Variants in KIF13B observed in about 807,000 individuals in gnomAD.
KIF13B encodes the protein kinesin family member 13B.
Under a neutral mutation model 222.0 loss-of-function variants are expected in KIF13B, and 127 were observed. That is an observed-to-expected ratio of 0.57 (90% CI 0.50 to 0.66). KIF13B has a LOEUF of 0.66. KIF13B is among the 30% of genes least tolerant of loss of function. The probability of loss-of-function intolerance (pLI) is 0.00; values close to 1 mark genes in which losing one functional copy is unlikely to be tolerated. For synonymous variants in KIF13B, 976 were observed against 919.0 expected (o/e 1.06, Z -1.12); for missense variants, 2,173 against 2,379.0 (o/e 0.91, Z 1.80).
At position 29,238,247 on chromosome 8, in the gene KIF13B, A is replaced by G. The variant is rs192736207; in HGVS notation, c.149+7099T>C. Among the ~76,000 whole-genome samples, 5 of 152,384 alleles carry G rather than the reference A, an allele frequency of 3.3e-5. No homozygotes were observed. The East Asian group carries it at 9.6e-4, about 29-fold the overall frequency. ...CTTCCACTAACAAGGAATTAGTCTG[A>G]AAATGACTTCATGTATGCCATAAGG... On this transcript the variant is annotated intron_variant, in intron 2 of 39. Transcript: ENST00000524189.
intron 2 of KIF13B, among the ~76,000 whole-genome samples, chr8:29,206,943 GGCCATGTGGCTGATGGGGCACAAC>G (rs914950299): frequency 3.3e-5 from 5 of 152,044 alleles, no homozygotes; most frequent in African/African-American, 9.7e-5. Context: ...CAAGGGAGTG[GGCCATGTGGCTGATGGGGCACAAC>G]GCCACCCTGC....
At chr8:29,076,711 A>G (rs1439981058) in intron 37 of KIF13B, among the ~76,000 whole-genome samples, 3 of 152,226 alleles carry the variant, frequency 2.0e-5, no homozygotes, top group Non-Finnish European at 4.4e-5. Context: ...AGAAAAGTAT[A>G]AGAGGGAATT....
intron 35 of KIF13B, among the ~76,000 whole-genome samples, chr8:29,100,888 G>C (rs1337610563): frequency 6.6e-6 from 1 of 152,138 alleles, no homozygotes; most frequent in African/African-American, 2.4e-5. Flanking sequence ...AGCGACCTAA[G>C]TACTAATCAT....
At chr8:29,192,784 TG>T (rs1418176648) in intron 3 of KIF13B, among the ~76,000 whole-genome samples, 1 of 151,792 alleles carries the variant, frequency 6.6e-6, no homozygotes, top group African/African-American at 2.4e-5. Context: ...CGACAGGCGA[TG>T]GGGGAAGTGG....
intron 29 of KIF13B, among the ~76,000 whole-genome samples, chr8:29,119,717 C>T (rs768691298): frequency 2.0e-5 from 3 of 152,260 alleles, no homozygotes; most frequent in South Asian, 2.1e-4. Flanking sequence ...CACCCTCAGG[C>T]GCCAAGTTCA....
chr8:29,180,224 C>T lies in KIF13B; in HGVS notation c.600G>A (p.Leu200=), dbSNP rs1401289740. 1 of 1,613,862 alleles carries T rather than the reference C, an allele frequency of 6.2e-7. No individual in the cohort carries two copies. Among genetic ancestry groups the T allele is most frequent in the Non-Finnish European group, 8.5e-7 (1 of 1,179,884 alleles). The change falls in exon 8 of 40, where the codon TTG becomes TTA. Residue 200 remains leucine, a synonymous_variant. Coordinates refer to ENST00000524189, the MANE Select transcript of KIF13B (RefSeq NM_015254.4). ...TGCGAGATTTGTTACCCTCAGACAT[C>T]AACGACTCAATATCCTAAGTGGAAA... is the stretch of plus-strand genomic sequence containing the variant. ...AVTSYKDIES[L]MSEGNKSRTV...
intron 1 of KIF13B, among the ~76,000 whole-genome samples, chr8:29,257,333 G>GT (rs149320937): frequency 0.051 from 7,571 of 149,196 alleles, 274 homozygotes; most frequent in Admixed American, 0.094. Context: ...TCTTGGTCGA[G>GT]TTTTTGTTTT....
chr8:29,105,548 T>C (rs2133594276), intron 35 of KIF13B, among the ~76,000 whole-genome samples: 1 of 152,274 alleles, frequency 6.6e-6, no homozygotes, highest in East Asian at 1.9e-4. Flanking sequence ...TTGTCCTATT[T>C]TTCTGGTGCA....
chr8:29,097,944 G>A (rs182116202), intron 36 of KIF13B, among the ~76,000 whole-genome samples: 35 of 151,954 alleles, frequency 2.3e-4, no homozygotes, highest in East Asian at 1.7e-3. Context: ...GGCCAAGGCC[G>A]GCAGATCACA....
chr8:29,258,836 CT>C (rs1816580822), intron 1 of KIF13B, among the ~76,000 whole-genome samples: 1 of 152,154 alleles, frequency 6.6e-6, no homozygotes, highest in African/African-American at 2.4e-5. Flanking sequence ...AGCTGTTTAC[CT>C]TTTAATCTAA....
chr8:29,246,814 T>C (rs905715663), intron 1 of KIF13B, among the ~76,000 whole-genome samples: 6 of 152,216 alleles, frequency 3.9e-5, no homozygotes, highest in East Asian at 1.9e-4. Flanking sequence ...TTATGGTCCA[T>C]TGATTTTGAC....
At chr8:29,214,317 T>C (rs777571602) in intron 2 of KIF13B, among the ~76,000 whole-genome samples, 23 of 152,238 alleles carry the variant, frequency 1.5e-4, no homozygotes, top group South Asian at 4.1e-4. Flanking sequence ...ACTATACAGC[T>C]ACACAAAAAT....
chr8:29,251,693 G>A (rs1816290741), intron 1 of KIF13B, among the ~76,000 whole-genome samples: 1 of 152,128 alleles, frequency 6.6e-6, no homozygotes, highest in Admixed American at 6.6e-5. Context: ...ATAGATGGTG[G>A]TGATGGTGAT....
chr8:29,208,022 G>A (rs191604318), intron 2 of KIF13B, among the ~76,000 whole-genome samples: 2 of 152,206 alleles, frequency 1.3e-5, no homozygotes, highest in African/African-American at 4.8e-5. Flanking sequence ...TCAAGGAGCT[G>A]ACAATCCAGT....
intron 1 of KIF13B, among the ~76,000 whole-genome samples, chr8:29,256,786 G>A (rs1265323587): frequency 6.6e-6 from 1 of 151,860 alleles, no homozygotes; most frequent in Non-Finnish European, 1.5e-5. Flanking sequence ...AGACAGTCTC[G>A]CTCTGTCGCC....
At chr8:29,192,722 T>C (rs568356212) in intron 3 of KIF13B, among the ~76,000 whole-genome samples, 1 of 152,240 alleles carries the variant, frequency 6.6e-6, no homozygotes, top group Admixed American at 6.5e-5. Context: ...GTTAAGATGG[T>C]AAATTAATAA....
At chr8:29,249,347 T>C (rs1816177697) in intron 1 of KIF13B, among the ~76,000 whole-genome samples, 1 of 150,286 alleles carries the variant, frequency 6.7e-6, no homozygotes, top group African/African-American at 2.5e-5. Flanking sequence ...CGAGAATCAC[T>C]TGAAACCAGG....
At chr8:29,149,865 C>G (rs998601921) in intron 15 of KIF13B, among the ~76,000 whole-genome samples, 1 of 151,984 alleles carries the variant, frequency 6.6e-6, no homozygotes, top group African/African-American at 2.4e-5. Flanking sequence ...TAACCCATTA[C>G]AGTAAAATTT....
At chr8:29,263,102 C>G (rs1816751360), upstream of KIF13B, 2 of 1,488,916 alleles carry the variant, frequency 1.3e-6, no homozygotes, top group Non-Finnish European at 1.8e-6. Flanking sequence ...TCGGGGTTGA[C>G]CCGGCGGGAG....
Sources: allele counts gnomAD v4.1 joint callset (sites outside exome capture counted in the v4.1 genomes callset), GRCh38; gene constraint gnomAD v4.1.1; transcripts MANE v1.5; gene names NCBI Gene and HGNC (gene_info 2026-07-23, HGNC 2026-07-21).